Variants in ALDOA observed in about 807,000 individuals in gnomAD.
ALDOA encodes fructose-bisphosphate aldolase A.
Under a neutral mutation model 43.9 loss-of-function variants are expected in ALDOA, and 26 were observed. That is an observed-to-expected ratio of 0.59 (90% CI 0.43 to 0.82). ALDOA has a LOEUF of 0.82. Among genes scored for constraint, ALDOA ranks in the 40% least tolerant of loss-of-function variants. ALDOA has a pLI of 0.00. For synonymous variants in ALDOA, 258 were observed against 222.6 expected (o/e 1.16, Z -1.42); for missense variants, 498 against 549.5 (o/e 0.91, Z 0.94).
upstream of ALDOA, among the ~76,000 whole-genome samples, chr16:30,065,122 C>T (rs1032255718): frequency 6.6e-6 from 1 of 152,242 alleles, no homozygotes; most frequent in Non-Finnish European, 1.5e-5. Flanking sequence ...CCCGGCCTGC[C>T]AGCCTGGAAC....
intron 1 of ALDOA, among the ~76,000 whole-genome samples, chr16:30,066,641 C>A (rs960716715): frequency 6.6e-6 from 1 of 152,184 alleles, no homozygotes; most frequent in Non-Finnish European, 1.5e-5. Context: ...AAAAGCCTGA[C>A]CTTGGGATGT....
Position 30,068,661 on chromosome 16 carries a change from G to C in ALDOA, c.502G>C (p.Val168Leu), listed in dbSNP as rs1318820363. Reference sequence around the variant, plus strand: ...ACCCCAACAGGTAGACAAGGGCGTGGTCCCCCTGGCAGGGACAAATGGCGA... The same window carrying C: ...ACCCCAACAGGTAGACAAGGGCGTGCTCCCCCTGGCAGGGACAAATGGCGA... Reference protein sequence around the residue: ...VVGIKVDKGVVPLAGTNGETT... With the variant: ...VVGIKVDKGVLPLAGTNGETT... Residue 168 changes from valine (V) to leucine (L), a missense_variant, in exon 5 of 10, where the codon GTC (valine) becomes CTC (leucine). Val to Leu is a conservative substitution (Grantham distance 32, BLOSUM62 1). Transcript: ENST00000642816. 6.2e-7 allele frequency: 1 copy of C among 1,614,198 alleles called. No individual in the cohort carries two copies. Among genetic ancestry groups the C allele is most frequent in the Non-Finnish European group, 8.5e-7 (1 of 1,180,040 alleles).
chr16:30,064,829 G>A (rs2072044671), upstream of ALDOA: 1 of 211,050 alleles, frequency 4.7e-6, no homozygotes, highest in Non-Finnish European at 9.3e-6. Context: ...TGGGGTTGGG[G>A]TTGGGCCAAC....
chr16:30,064,795 T>G, upstream of ALDOA: 3 of 167,856 alleles, frequency 1.8e-5, no homozygotes, highest in Non-Finnish European at 3.7e-5. Flanking sequence ...GTGGGCCCCT[T>G]GCAGGACCGG....
Position 30,065,770 on chromosome 16 carries a change from T to G in ALDOA, c.-171T>G, listed in dbSNP as rs566248386. On this transcript the variant is annotated 5_prime_UTR_variant, in exon 1 of 10. Transcript: ENST00000642816. ...CGCCGCCTTCCGCCTGCCCGCCTCC[T>G]GCGCCGCCCCTTCCGAGGCTAAATC... The G allele has an allele frequency of 1.3e-5, 2 of 152,646 alleles. No homozygotes were observed. Among genetic ancestry groups the G allele is most frequent in the Non-Finnish European group, 2.9e-5 (2 of 68,066 alleles). 9.5% of individuals were successfully genotyped at this position (152,646 alleles called of 1,614,324 possible).
At position 30,067,707 on chromosome 16, in the gene ALDOA, G is replaced by T; in HGVS notation, c.486+46G>T. 1.9e-6 allele frequency: 3 copies of T among 1,609,118 alleles called. No individual in the cohort carries two copies. In the South Asian group the frequency reaches 3.3e-5, roughly 18 times the overall value. ...CGTGAGGTTTGAGATGGAAGTGGAG[G>T]AAGGAAATCCAGGTTAGTGAGGCAG... is the stretch of plus-strand genomic sequence containing the variant. On this transcript the variant is annotated intron_variant, in intron 4 of 9. Coordinates refer to ENST00000642816, the MANE Select transcript of ALDOA (RefSeq NM_001243177.4).
chr16:30,066,383 C>T (rs1332751230), intron 1 of ALDOA: 5 of 153,342 alleles, frequency 3.3e-5, no homozygotes, highest in South Asian at 2.0e-4. Flanking sequence ...CCCTGTCTCT[C>T]CTTATCGGGC....
chr16:30,068,918 A>T lies in ALDOA; in HGVS notation c.642A>T (p.Ser214=), dbSNP rs1421812905. Residue 214 remains serine, a synonymous_variant, in exon 6 of 10, where the codon TCA becomes TCT. Transcript: ENST00000642816. ...TGAAGATTGGGGAACACACCCCCTC[A>T]GCCCTCGCCATCATGGAAAATGCCA... The part of the protein sequence containing the change: ...CVLKIGEHTP[S]ALAIMENANV... The T allele has an allele frequency of 1.3e-5, 21 of 1,614,114 alleles. No homozygotes were observed. Among genetic ancestry groups the T allele is most frequent in the Non-Finnish European group, 1.6e-5 (19 of 1,180,052 alleles).
chr16:30,068,714 GA>G lies in ALDOA; in HGVS notation c.541+15del. On this transcript the variant is annotated intron_variant, in intron 5 of 9. Coordinates refer to ENST00000642816, the MANE Select transcript of ALDOA (RefSeq NM_001243177.4). ...CTACCACCCAAGGTGAGAACTGTTT[GA>G]TTCTCTGCCCTACGAACCCAACCAG... 1 of 1,614,238 alleles carries G rather than the reference GA, an allele frequency of 6.2e-7. No individual in the cohort carries two copies. Among genetic ancestry groups the G allele is most frequent in the South Asian group, 1.1e-5 (1 of 91,074 alleles).
At position 30,070,281 on chromosome 16, in the gene ALDOA, G is replaced by A. The variant is rs780327435; in HGVS notation, c.*69G>A. On this transcript the variant is annotated 3_prime_UTR_variant, in exon 10 of 10. Transcript: ENST00000642816. ...CCCTCCCACTCTTGAAGAGGAGGCC[G>A]CCTCCTCGGGGCTCCAGGCTGGCTT... The A allele has an allele frequency of 1.1e-5, 16 of 1,487,670 alleles. No individual in the cohort carries two copies. Among genetic ancestry groups the A allele is most frequent in the African/African-American group, 8.3e-5 (6 of 72,336 alleles). The allele number at this position is 1,487,670 out of a possible 1,614,324, so 92.2% of individuals were successfully genotyped here. A position where few individuals can be genotyped will look rare whatever the true frequency, so the allele number is the denominator to read the frequency against.
Position 30,068,858 on chromosome 16 carries a change from G to C in ALDOA, c.582G>C (p.Lys194Asn). The change falls in exon 6 of 10, where the codon AAG becomes AAC. Residue 194 changes from lysine to asparagine, a missense_variant. By Grantham distance (94) the Lys-to-Asn change is moderately conservative (BLOSUM62 0). Transcript: ENST00000642816. Reference protein sequence around the residue: ...GLSERCAQYKKDGADFAKWRC... With the variant: ...GLSERCAQYKNDGADFAKWRC... ...CTGAGCGCTGTGCCCAGTACAAGAAGGACGGAGCTGACTTCGCCAAGTGGC... is the reference window on the plus strand; with the variant it reads ...CTGAGCGCTGTGCCCAGTACAAGAACGACGGAGCTGACTTCGCCAAGTGGC... 6.2e-7 allele frequency: 1 copy of C among 1,614,218 alleles called. No homozygotes were observed. The highest frequency in any genetic ancestry group is 8.5e-7 in the Non-Finnish European group (1 of 1,180,036).
chr16:30,068,756 T>G, intron 5 of ALDOA, 56 bp downstream of exon 5: 1 of 1,614,168 alleles, frequency 6.2e-7, no homozygotes, highest in South Asian at 1.1e-5. Context: ...GTTTGGGTGC[T>G]GGGAGGAGTG....
chr16:30,069,651 C>A lies in ALDOA; in HGVS notation c.939C>A (p.Arg313=), dbSNP rs1596815606. Residue 313 remains arginine (R), a synonymous_variant, in exon 8 of 10, where the codon CGC becomes CGA. Coordinates refer to ENST00000642816, the MANE Select transcript of ALDOA (RefSeq NM_001243177.4). The part of the protein sequence containing the change: ...IAMATVTALR[R]TVPPAVTGIT... Reference sequence around the variant, plus strand: ...TGGCGACCGTCACAGCGCTGCGCCGCACAGTGCCCCCCGCTGTCACTGGTG... The same window carrying A: ...TGGCGACCGTCACAGCGCTGCGCCGAACAGTGCCCCCCGCTGTCACTGGTG... The A allele has an allele frequency of 6.2e-7, 1 of 1,613,770 alleles. No homozygotes were observed.
At chr16:30,069,455 C>T (rs1464810080) in intron 7 of ALDOA, 44 bp from the exon 8 acceptor site, 1 of 1,613,840 alleles carries the variant, frequency 6.2e-7, no homozygotes, top group African/African-American at 1.3e-5. Context: ...AACCCCTATC[C>T]TCTCCTCCAC....
intron 1 of ALDOA, among the ~76,000 whole-genome samples, chr16:30,066,429 G>A (rs2072106982): frequency 6.6e-6 from 1 of 152,228 alleles, no homozygotes; most frequent in African/African-American, 2.4e-5. Flanking sequence ...CTGCAGCCAT[G>A]CGAAGCGACG....
At chr16:30,068,129 C>T (rs11867026) in intron 4 of ALDOA, 19,602 of 246,674 alleles carry the variant, frequency 0.079, 1,191 homozygotes, top group African/African-American at 0.2. Context: ...GTGGTGCGAT[C>T]TCTTGGCTCA....
Position 30,069,822 on chromosome 16 carries a change from C to T in ALDOA, c.962-8C>T, listed in dbSNP as rs1355492982. ...CACAGCCCCTCTCGCCTCACCCCTG[C>T]TCTACAGGGATCACCTTCCTGTCTG... On this transcript the variant is annotated splice_region_variant and splice_polypyrimidine_tract_variant and intron_variant, in intron 8 of 9. Coordinates refer to ENST00000642816, the MANE Select transcript of ALDOA (RefSeq NM_001243177.4). The T allele has an allele frequency of 2.5e-6, 4 of 1,614,032 alleles. No individual in the cohort carries two copies. The highest frequency in any genetic ancestry group is 2.5e-6 in the Non-Finnish European group (3 of 1,179,944).
At position 30,069,319 on chromosome 16, in the gene ALDOA, C is replaced by G; in HGVS notation, c.716C>G (p.Pro239Arg). 5.6e-6 allele frequency: 9 copies of G among 1,614,152 alleles called. No individual in the cohort carries two copies. Among genetic ancestry groups the G allele is most frequent in the Non-Finnish European group, 7.6e-6 (9 of 1,180,022 alleles). ...CTCGCCCTGCAGAATGGCATTGTGC[C>G]CATCGTGGAGCCTGAGATCCTCCCT... ...ASICQQNGIVPIVEPEILPDG... is the reference protein window; with the variant it reads ...ASICQQNGIVRIVEPEILPDG... Residue 239 changes from proline (P) to arginine (R), a missense_variant, in exon 7 of 10, where the codon CCC becomes CGC. Transcript: ENST00000642816.
intron 4 of ALDOA, 92 bp downstream of exon 4, chr16:30,067,753 G>A: frequency 6.7e-7 from 1 of 1,482,968 alleles, no homozygotes; most frequent in South Asian, 1.1e-5. Flanking sequence ...CTGGATTGGT[G>A]GCCTAGAGAC....
Sources: gnomAD v4.1 joint callset for allele counts (sites outside exome capture counted in the v4.1 genomes callset) on GRCh38, gnomAD v4.1.1 for gene constraint, MANE v1.5 for transcripts, NCBI Gene and HGNC (gene_info 2026-07-23, HGNC 2026-07-21) for gene names.